The following TAOK3 variants were observed in gnomAD, a reference collection of about 807,000 sequenced individuals.
TAOK3 encodes the protein serine/threonine-protein kinase TAO3.
A neutral mutation model predicts 120.4 loss-of-function variants in TAOK3; 40 were observed. The ratio of observed to expected loss-of-function variants is 0.33; its 90% CI spans 0.26 to 0.43. The LOEUF (loss-of-function observed/expected upper bound fraction) is 0.43, where lower values mean the gene tolerates loss of function less well. TAOK3 is among the 20% of genes least tolerant of loss of function. The pLI is 1.00. For missense variants in TAOK3, 821 were observed against 1,112.1 expected (o/e 0.74, Z 3.72); for synonymous variants, 355 against 387.5 (o/e 0.92, Z 0.99).
intron 14 of TAOK3, among the ~76,000 whole-genome samples, chr12:118,184,795 G>A (rs974601247): frequency 6.6e-6 from 1 of 152,228 alleles, no homozygotes; most frequent in African/African-American, 2.4e-5. Context: ...AGTGGATTGT[G>A]TGGAGAAAAA....
chr12:118,218,739 G>A (rs577697921), intron 9 of TAOK3, among the ~76,000 whole-genome samples: 6 of 151,858 alleles, frequency 4.0e-5, no homozygotes, highest in African/African-American at 7.3e-5. Context: ...AGGACCAACC[G>A]TATTTAAAAC....
chr12:118,277,858 A>G (rs1293017527), intron 1 of TAOK3, among the ~76,000 whole-genome samples: 1 of 152,194 alleles, frequency 6.6e-6, no homozygotes, highest in African/African-American at 2.4e-5. Flanking sequence ...TTAAGTTCCC[A>G]GGGGTCTATA....
chr12:118,184,914 A>G (rs2036982011), intron 14 of TAOK3, among the ~76,000 whole-genome samples: 1 of 152,200 alleles, frequency 6.6e-6, no homozygotes, highest in Non-Finnish European at 1.5e-5. Flanking sequence ...TGTCTTCCTC[A>G]GGGTCAGAGG....
At chr12:118,234,246 T>C (rs1026622755) in intron 8 of TAOK3, among the ~76,000 whole-genome samples, 3 of 107,448 alleles carry the variant, frequency 2.8e-5, no homozygotes, top group African/African-American at 1.1e-4. Context: ...TTTTTTTTTT[T>C]GAGACGGAGT....
chr12:118,352,374 T>G (rs1222621885), intron 1 of TAOK3, among the ~76,000 whole-genome samples: 7 of 151,394 alleles, frequency 4.6e-5, no homozygotes, highest in Non-Finnish European at 8.8e-5. Context: ...CATGGTGGCA[T>G]GCACCTGTAA....
At chr12:118,230,460 G>GT (rs71069433) in intron 9 of TAOK3, among the ~76,000 whole-genome samples, 3,199 of 50,062 alleles carry the variant, frequency 0.064, 1,194 homozygotes, top group Non-Finnish European at 0.08. Flanking sequence ...CCTGTGAAGT[G>GT]TTTTTTTTTT....
At position 118,181,359 on chromosome 12, in the gene TAOK3, GCA is replaced by G; in HGVS notation, c.1566+10_1566+11del. 1 of 1,606,216 alleles carries G rather than the reference GCA, an allele frequency of 6.2e-7. No homozygotes were observed. The highest frequency in any genetic ancestry group is 8.5e-7 in the Non-Finnish European group (1 of 1,173,704). ...TTGGTTGTGGCATGAAGGCGTGTGT[GCA>G]CATACTGACCTCCTTTTCTATGATA... On this transcript the variant is annotated intron_variant, in intron 15 of 20. Transcript: ENST00000392533.
chr12:118,170,634 G>A (rs7301950), intron 17 of TAOK3, among the ~76,000 whole-genome samples: 15,057 of 152,154 alleles, frequency 0.099, 798 homozygotes, highest in Middle Eastern at 0.12. Context: ...GTGGTGGTGT[G>A]TGCCCGTAAT....
chr12:118,171,046 C>T (rs1281932518), intron 17 of TAOK3, among the ~76,000 whole-genome samples: 1 of 152,194 alleles, frequency 6.6e-6, no homozygotes, highest in Non-Finnish European at 1.5e-5. Context: ...CTGCTTACTC[C>T]AGGTCACAAT....
chr12:118,265,328 G>T (rs528266589), intron 2 of TAOK3, among the ~76,000 whole-genome samples: 1 of 147,538 alleles, frequency 6.8e-6, no homozygotes, highest in Admixed American at 6.9e-5. Flanking sequence ...GGTGGAGGTT[G>T]TAGTGAGCTG....
chr12:118,340,717 C>G (rs1566144058), intron 1 of TAOK3, among the ~76,000 whole-genome samples: 1 of 151,616 alleles, frequency 6.6e-6, no homozygotes, highest in Non-Finnish European at 1.5e-5. Context: ...TGAAACAAAT[C>G]CTAAATAAAT....
At chr12:118,332,741 A>T (rs1372056641) in intron 1 of TAOK3, among the ~76,000 whole-genome samples, 1 of 152,312 alleles carries the variant, frequency 6.6e-6, no homozygotes, top group East Asian at 1.9e-4. Context: ...GTAGAAGTAG[A>T]TCACATAATC....
intron 17 of TAOK3, among the ~76,000 whole-genome samples, 193 bp from the exon 18 acceptor site, chr12:118,162,220 A>G (rs895616061): frequency 2.6e-5 from 4 of 152,184 alleles, no homozygotes; most frequent in Non-Finnish European, 5.9e-5. Context: ...TCCTGGGTCC[A>G]CCACTTACAA....
intron 1 of TAOK3, among the ~76,000 whole-genome samples, chr12:118,343,427 A>C (rs2044714950): frequency 4.9e-5 from 6 of 121,920 alleles, no homozygotes; most frequent in Admixed American, 3.2e-4. Flanking sequence ...TCCCTGTCTC[A>C]AAAAAAAAAA....
At chr12:118,177,037 G>T (rs894301096) in intron 16 of TAOK3, among the ~76,000 whole-genome samples, 164 bp downstream of exon 16, 4 of 152,130 alleles carry the variant, frequency 2.6e-5, no homozygotes, top group African/African-American at 4.8e-5. Context: ...AAAGTGCTGG[G>T]ATTACAGGTG....
At chr12:118,313,012 A>C (rs1233773666) in intron 1 of TAOK3, among the ~76,000 whole-genome samples, 4 of 152,234 alleles carry the variant, frequency 2.6e-5, no homozygotes, top group Non-Finnish European at 5.9e-5. Context: ...AACTGAACCC[A>C]AAATCCCTAA....
intron 2 of TAOK3, among the ~76,000 whole-genome samples, 182 bp downstream of exon 2, chr12:118,266,473 A>G (rs1004024060): frequency 1.3e-5 from 2 of 152,056 alleles, no homozygotes; most frequent in African/African-American, 4.8e-5. Context: ...AAGTGCTGGG[A>G]TTACAGGCAT....
intron 1 of TAOK3, among the ~76,000 whole-genome samples, chr12:118,327,054 T>C (rs2043963444): frequency 6.6e-6 from 1 of 152,208 alleles, no homozygotes; most frequent in Non-Finnish European, 1.5e-5. Flanking sequence ...TACATGATTA[T>C]TGCAAAACAT....
intron 1 of TAOK3, among the ~76,000 whole-genome samples, chr12:118,319,397 T>G (rs2043606429): frequency 1.3e-5 from 2 of 152,180 alleles, no homozygotes; most frequent in Admixed American, 1.3e-4. Context: ...ATCATAAACC[T>G]GATAAGAATT....
Sources: allele counts gnomAD v4.1 joint callset (sites outside exome capture counted in the v4.1 genomes callset), GRCh38; gene constraint gnomAD v4.1.1; transcripts MANE v1.5; gene names NCBI Gene and HGNC (gene_info 2026-07-23, HGNC 2026-07-21).